Variants in MYO9A observed in about 807,000 individuals in gnomAD.
The protein encoded by MYO9A is unconventional myosin-IXa.
Under a neutral mutation model 293.3 loss-of-function variants are expected in MYO9A, and 103 were observed. The observed-to-expected ratio is 0.35, with a 90% CI of 0.30 to 0.41. MYO9A has a LOEUF of 0.41. Ranked by LOEUF, MYO9A falls within the 10% of genes least tolerant of loss-of-function variation. The pLI is 1.00. For synonymous variants in MYO9A, 1,001 were observed against 1,035.7 expected (o/e 0.97, Z 0.64); for missense variants, 2,685 against 3,033.0 (o/e 0.89, Z 2.69).
intron 11 of MYO9A, among the ~76,000 whole-genome samples, chr15:71,979,251 C>T (rs889784498): frequency 6.6e-6 from 1 of 152,116 alleles, no homozygotes; most frequent in Non-Finnish European, 1.5e-5. Flanking sequence ...TAATTCTTTT[C>T]TTTTAATTAA....
At position 71,898,758 on chromosome 15, in the gene MYO9A, C is replaced by G; in HGVS notation, c.3745G>C (p.Asp1249His). Residue 1249 changes from aspartate (D) to histidine (H), a missense_variant, in exon 25 of 42, where the codon GAT (aspartate) becomes CAT (histidine). Asp to His is a moderately conservative substitution (Grantham distance 81, BLOSUM62 -1). Transcript: ENST00000356056. ...QSQSGVDLQE[D>H]VLVRERPRSL... ...CTGGGTCTCTCTCTTACAAGCACAT[C>G]TTCCTGCAAGTCCACACCACTCTGG... The G allele has an allele frequency of 6.2e-7, 1 of 1,614,140 alleles. No individual in the cohort carries two copies. Among genetic ancestry groups the G allele is most frequent in the Non-Finnish European group, 8.5e-7 (1 of 1,179,990 alleles).
chr15:71,825,864 G>GAGTT lies in MYO9A; in HGVS notation c.*712_*715dup, dbSNP rs1467715142. ...AATGTATTTGGCAGGAACTAAACAG[G>GAGTT]AGTTAAACCAGCACTGATTACTATG... is the stretch of plus-strand genomic sequence containing the variant. On this transcript the variant is annotated 3_prime_UTR_variant, in exon 42 of 42. Transcript: ENST00000356056. 1 of 152,070 alleles carries GAGTT rather than the reference G, an allele frequency of 6.6e-6. No individual in the cohort carries two copies. Among genetic ancestry groups the GAGTT allele is most frequent in the African/African-American group, 2.4e-5 (1 of 41,396 alleles). The allele number at this position is 152,070 out of a possible 1,614,324, so 9.4% of individuals were successfully genotyped here.
intron 9 of MYO9A, among the ~76,000 whole-genome samples, chr15:71,999,596 G>A: frequency 6.6e-6 from 1 of 152,080 alleles, no homozygotes; most frequent in East Asian, 1.9e-4. Context: ...CCCCACATTA[G>A]TAATATGAAA....
At chr15:71,856,867 G>A (rs2141531846) in intron 34 of MYO9A, among the ~76,000 whole-genome samples, 1 of 152,268 alleles carries the variant, frequency 6.6e-6, no homozygotes, top group Non-Finnish European at 1.5e-5. Flanking sequence ...AACTTGGCTA[G>A]GTTATTTCAC....
intron 1 of MYO9A, among the ~76,000 whole-genome samples, chr15:72,099,435 A>AAG (rs1349473460): frequency 1.1e-4 from 16 of 148,664 alleles, no homozygotes; most frequent in South Asian, 2.1e-4. Context: ...AAAAAAAAAA[A>AAG]AAAAAAAGAA....
In MYO9A at chr15:72,107,278, G is replaced by A. The variant is rs893390963; in HGVS notation, c.-72+10402C>T. On this transcript the variant is annotated intron_variant, in intron 1 of 41. Transcript: ENST00000356056. ...CTAAATACAATCTCGGCAGAGTGTA[G>A]TGACTCATGCCTGTAATCCTAGCAC... is the stretch of plus-strand genomic sequence containing the variant. Among the ~76,000 whole-genome samples, 3 of 152,170 alleles carry A rather than the reference G, an allele frequency of 2.0e-5. No individual in the cohort carries two copies. In the South Asian group the frequency reaches 6.2e-4, roughly 32 times the overall value.
Position 72,045,807 on chromosome 15 carries a change from T to C in MYO9A, c.757A>G (p.Ile253Val). The C allele has an allele frequency of 6.2e-7, 1 of 1,614,214 alleles. No homozygotes were observed. Among genetic ancestry groups the C allele is most frequent in the South Asian group, 1.1e-5 (1 of 91,086 alleles). ...SGKTQSTNFL[I>V]HHLTALSQKG... ...TGACTGAGAGCAGTAAGGTGGTGAA[T>C]AAGAAAGTTTGTGCTTTGAGTCTTC... Residue 253 changes from isoleucine to valine, a missense_variant, in exon 2 of 42, where the codon ATT (isoleucine) becomes GTT (valine). Coordinates refer to ENST00000356056, the MANE Select transcript of MYO9A (RefSeq NM_006901.4).
At chr15:72,004,473 C>T (rs1341473239) in intron 8 of MYO9A, among the ~76,000 whole-genome samples, 4 of 152,178 alleles carry the variant, frequency 2.6e-5, no homozygotes, top group Non-Finnish European at 4.4e-5. Flanking sequence ...AGGAGAATGG[C>T]TTGGACCCGG....
intron 19 of MYO9A, among the ~76,000 whole-genome samples, chr15:71,908,921 C>G (rs545627907): frequency 6.6e-6 from 1 of 152,254 alleles, no homozygotes; most frequent in Non-Finnish European, 1.5e-5. Flanking sequence ...TCATCCTCCC[C>G]CAACTAGATC....
intron 18 of MYO9A, among the ~76,000 whole-genome samples, chr15:71,917,318 C>T (rs1230296997): frequency 6.6e-6 from 1 of 152,026 alleles, no homozygotes; most frequent in Non-Finnish European, 1.5e-5. Flanking sequence ...GGGCGGGTCA[C>T]GAGGTCAGGA....
chr15:71,925,915 T>C (rs1342116887), intron 18 of MYO9A, among the ~76,000 whole-genome samples: 1 of 152,226 alleles, frequency 6.6e-6, no homozygotes, highest in East Asian at 1.9e-4. Context: ...TTTTATTCTT[T>C]TGCATATTTT....
chr15:71,917,809 A>G (rs2058052421), intron 18 of MYO9A, among the ~76,000 whole-genome samples: 1 of 152,186 alleles, frequency 6.6e-6, no homozygotes, highest in African/African-American at 2.4e-5. Flanking sequence ...ATGAGAAACA[A>G]AAGATTGTGT....
At position 72,048,097 on chromosome 15, in the gene MYO9A, T is replaced by TA. The variant is rs1004687593; in HGVS notation, c.-71-1464dup. The stretch of plus-strand genomic sequence containing the variant: ...AACACAGAGATTAATACAAAACATA[T>TA]AAAAAAAACCCAGCCATATAGGCCA... On this transcript the variant is annotated intron_variant, in intron 1 of 41. Transcript: ENST00000356056. Among the ~76,000 whole-genome samples, 56 of 151,616 alleles carry TA rather than the reference T, an allele frequency of 3.7e-4. 1 individual carries two copies. The highest frequency in any genetic ancestry group is 8.9e-4 in the African/African-American group (37 of 41,358).
At chr15:72,069,724 T>C (rs574055716) in intron 1 of MYO9A, among the ~76,000 whole-genome samples, 6 of 152,258 alleles carry the variant, frequency 3.9e-5, no homozygotes, top group African/African-American at 1.4e-4. Flanking sequence ...CTCCTTTAAT[T>C]TGCATACTCA....
chr15:72,007,828 C>T lies in MYO9A; in HGVS notation c.1378G>A (p.Glu460Lys). The change falls in exon 8 of 42, where the codon GAG becomes AAG. Residue 460 changes from glutamate (E) to lysine (K), a missense_variant and splice_region_variant. Around this residue, in one of 10 missense-constraint regions of MYO9A, gnomAD observed 289 missense variants for 456.8 expected, o/e 0.63. Transcript: ENST00000356056. ...EVLPIVSELL[E>K]VKEEMLFEAL... ...CAACTGAAAATGTAATCACTCACCTCTAATAATTCTGAGACAATAGGCAGA... is the reference window on the plus strand; with the variant it reads ...CAACTGAAAATGTAATCACTCACCTTTAATAATTCTGAGACAATAGGCAGA... The T allele has an allele frequency of 6.2e-7, 1 of 1,607,770 alleles. No individual in the cohort carries two copies. The highest frequency in any genetic ancestry group is 8.5e-7 in the Non-Finnish European group (1 of 1,178,284).
chr15:71,927,072 C>G (rs2058332655), intron 18 of MYO9A, among the ~76,000 whole-genome samples: 1 of 152,102 alleles, frequency 6.6e-6, no homozygotes, highest in Non-Finnish European at 1.5e-5. Flanking sequence ...CATCCTCAGG[C>G]CCTCGGGGAG....
intron 1 of MYO9A, among the ~76,000 whole-genome samples, chr15:72,091,013 A>C (rs541496456): frequency 0.014 from 2,049 of 151,678 alleles, 25 homozygotes; most frequent in Middle Eastern, 0.041. Flanking sequence ...AAAAATAAAA[A>C]AGCAACACCT....
chr15:72,036,874 C>G (rs1240040963), intron 2 of MYO9A, among the ~76,000 whole-genome samples: 6 of 152,022 alleles, frequency 3.9e-5, no homozygotes, highest in Admixed American at 3.3e-4. Context: ...CATGCACCAC[C>G]ACACCCAGCT....
rs768579068 is a variant in MYO9A, at chr15:71,878,181, T to C, written c.5790A>G (p.Glu1930=). The C allele has an allele frequency of 1.6e-5, 26 of 1,610,852 alleles. No individual in the cohort carries two copies. The South Asian group carries it at 2.8e-4, about 17-fold the overall frequency. Reference sequence around the variant, plus strand: ...GCCTCATCGTCTTTTCCAGAATCTGTTCAAATAGTGCATAGAGGTCTTTAT... The same window carrying C: ...GCCTCATCGTCTTTTCCAGAATCTGCTCAAATAGTGCATAGAGGTCTTTAT... ...IRYKDLYALF[E]QILEKTMRLE... The change falls in exon 31 of 42, where the codon GAA becomes GAG. Residue 1930 remains glutamate (E), a synonymous_variant. Coordinates refer to ENST00000356056, the MANE Select transcript of MYO9A (RefSeq NM_006901.4).
Sources: gnomAD v4.1 joint callset for allele counts (sites outside exome capture counted in the v4.1 genomes callset) on GRCh38, gnomAD v4.1.1 for gene constraint, gnomAD v4.1.1 regional missense constraint, MANE v1.5 for transcripts, NCBI Gene and HGNC (gene_info 2026-07-23, HGNC 2026-07-21) for gene names.